TDRD1: variants seen among roughly 807,000 people sequenced by gnomAD.
The protein encoded by TDRD1 is tudor domain containing 1.
TDRD1 carries 37 observed loss-of-function variants against 140.6 expected under a neutral mutation model. That is an observed-to-expected ratio of 0.26 (90% CI 0.20 to 0.35). The LOEUF (loss-of-function observed/expected upper bound fraction) is 0.35, where lower values mean the gene tolerates loss of function less well. Ranked by LOEUF, TDRD1 falls within the 10% of genes least tolerant of loss-of-function variation. TDRD1 has a pLI of 1.00. For synonymous variants in TDRD1, 506 were observed against 475.7 expected (o/e 1.06, Z -0.83); for missense variants, 1,243 against 1,393.0 (o/e 0.89, Z 1.71).
chr10:114,178,858 G>A (rs1303888287), upstream of TDRD1, among the ~76,000 whole-genome samples: 13 of 129,470 alleles, frequency 1.0e-4, no homozygotes, highest in Admixed American at 3.2e-4. Context: ...TGTTAGAAAA[G>A]TTCCATAGCA....
chr10:114,201,492 C>A (rs755774670), exon 5 of TDRD1: 6 of 1,613,230 alleles, frequency 3.7e-6, no homozygotes, highest in Middle Eastern at 1.7e-4. Context: ...CACACAGCAT[C>A]GTGTGCAGGC....
At chr10:114,199,778 C>T (rs762957648) in intron 4 of TDRD1, among the ~76,000 whole-genome samples, 2 of 152,188 alleles carry the variant, frequency 1.3e-5, no homozygotes, top group Non-Finnish European at 2.9e-5. Flanking sequence ...TAATCCATGC[C>T]GTTGCACGTA....
intron 25 of TDRD1, chr10:114,228,909 C>A: frequency 3.1e-6 from 1 of 323,922 alleles, no homozygotes; most frequent in Non-Finnish European, 4.4e-6. Flanking sequence ...GATGGCGAAA[C>A]ACTGCCTCTA....
At chr10:114,208,837 G>T (rs539879040) in intron 11 of TDRD1, among the ~76,000 whole-genome samples, 3 of 150,552 alleles carry the variant, frequency 2.0e-5, no homozygotes, top group Admixed American at 1.3e-4. Context: ...GCAGTGCTGT[G>T]ATCTCAGCTC....
intron 11 of TDRD1, among the ~76,000 whole-genome samples, chr10:114,207,768 G>T (rs1259103345): frequency 6.6e-6 from 1 of 152,038 alleles, no homozygotes; most frequent in South Asian, 2.1e-4. Context: ...ATGCTTCCAG[G>T]AGGGGGAGTC....
chr10:114,225,006 C>T (rs1157769445), intron 21 of TDRD1, among the ~76,000 whole-genome samples: 23 of 152,222 alleles, frequency 1.5e-4, no homozygotes, highest in Admixed American at 1.5e-3. Context: ...CATCTCACTG[C>T]AGACTCCCAG....
intron 25 of TDRD1, among the ~76,000 whole-genome samples, chr10:114,229,332 G>C (rs1402604909): frequency 6.6e-6 from 1 of 152,164 alleles, no homozygotes; most frequent in East Asian, 1.9e-4. Context: ...ACTGCCAACT[G>C]TGTTAAAACA....
intron 25 of TDRD1, among the ~76,000 whole-genome samples, chr10:114,230,891 T>A (rs2036715494): frequency 6.6e-6 from 1 of 151,880 alleles, no homozygotes; most frequent in Admixed American, 6.6e-5. Context: ...ATGGTGAAAC[T>A]TTGTCTCTAC....
intron 3 of TDRD1, among the ~76,000 whole-genome samples, chr10:114,195,666 C>T (rs1026670473): frequency 7.9e-5 from 12 of 152,128 alleles, no homozygotes; most frequent in African/African-American, 2.9e-4. Context: ...CTTTCGGTCT[C>T]TCTATATTGT....
In TDRD1 at chr10:114,228,241, C is replaced by T. The variant is rs111253376; in HGVS notation, c.3538+116C>T. 1,164 of 1,441,804 alleles carry T rather than the reference C, an allele frequency of 8.1e-4. 10 individuals carry two copies. In the African/African-American group the frequency reaches 0.015, roughly 19 times the overall value. 89.3% of individuals were successfully genotyped at this position (1,441,804 alleles called of 1,614,324 possible). A position where few individuals can be genotyped will look rare whatever the true frequency, so the allele number is the denominator to read the frequency against. ...GAAACCTATTGTAAGGCTGTACTTTCGTGATTTAATGACCTGAGGTTTGGT... is the reference window on the plus strand; with the variant it reads ...GAAACCTATTGTAAGGCTGTACTTTTGTGATTTAATGACCTGAGGTTTGGT... On this transcript the variant is annotated intron_variant, in intron 25 of 25. Coordinates refer to ENST00000251864, the Ensembl canonical transcript of TDRD1.
chr10:114,220,902 T>G, intron 19 of TDRD1, 59 bp downstream of exon 19: 1 of 1,280,194 alleles, frequency 7.8e-7, no homozygotes, highest in Non-Finnish European at 1.1e-6. Context: ...TCAGAGACTA[T>G]GAAAAATTTT....
At chr10:114,211,034 A>G (rs542961097) in intron 13 of TDRD1, 67 bp downstream of exon 13, 1 of 1,255,586 alleles carries the variant, frequency 8.0e-7, no homozygotes, top group African/African-American at 1.5e-5. Context: ...AATTGAGTAA[A>G]AACCATTGAA....
At chr10:114,218,255 C>T (rs904084219) in intron 17 of TDRD1, among the ~76,000 whole-genome samples, 159 bp from the exon 18 acceptor site, 1 of 152,094 alleles carries the variant, frequency 6.6e-6, no homozygotes, top group Non-Finnish European at 1.5e-5. Context: ...TTCTTTCATT[C>T]TAGAGATTTT....
In TDRD1 at chr10:114,191,033, TTGTG is replaced by T; in HGVS notation, c.384+21_384+24del. 6.2e-7 allele frequency: 1 copy of T among 1,613,020 alleles called. No individual in the cohort carries two copies. The highest frequency in any genetic ancestry group is 8.5e-7 in the Non-Finnish European group (1 of 1,179,254). Reference sequence around the variant, plus strand: ...GAAGTGAATATTGTAAGTTATTTTATTGTGTGTGTGCTTGTTTGGGTAAAAGATT... The same window carrying T: ...GAAGTGAATATTGTAAGTTATTTTATTGTGTGCTTGTTTGGGTAAAAGATT... On this transcript the variant is annotated intron_variant, in intron 3 of 25. Transcript: ENST00000251864.
chr10:114,206,448 A>T (rs2035108290), intron 11 of TDRD1, 118 bp downstream of exon 11: 1 of 678,366 alleles, frequency 1.5e-6, no homozygotes, highest in South Asian at 2.0e-5. Context: ...ACATCCTATG[A>T]GCAATTTAAA....
At chr10:114,180,229 T>A (rs1321640002) in intron 1 of TDRD1, among the ~76,000 whole-genome samples, 3 of 152,232 alleles carry the variant, frequency 2.0e-5, no homozygotes, top group Non-Finnish European at 2.9e-5. Context: ...TTTAAGCCCT[T>A]AGGAAGTACT....
intron 4 of TDRD1, among the ~76,000 whole-genome samples, chr10:114,199,847 A>C (rs1022993341): frequency 6.6e-5 from 10 of 152,210 alleles, no homozygotes; most frequent in African/African-American, 2.4e-4. Flanking sequence ...CCATAGTCAA[A>C]CTGTTCTATT....
At chr10:114,222,296 A>G (rs533464996) in intron 20 of TDRD1, among the ~76,000 whole-genome samples, 7 of 152,328 alleles carry the variant, frequency 4.6e-5, no homozygotes, top group East Asian at 1.9e-4. Context: ...ATACAGCTTA[A>G]TAAGTTTTCA....
intron 25 of TDRD1, among the ~76,000 whole-genome samples, chr10:114,229,891 C>T (rs1018564038): frequency 6.0e-5 from 9 of 150,648 alleles, no homozygotes; most frequent in Admixed American, 1.3e-4. Flanking sequence ...AGTGCAGTGG[C>T]GCTATCTCAG....
Sources: allele counts gnomAD v4.1 joint callset (sites outside exome capture counted in the v4.1 genomes callset), GRCh38; gene constraint gnomAD v4.1.1; transcripts MANE v1.5; gene names NCBI Gene and HGNC (gene_info 2026-07-23, HGNC 2026-07-21).